PLA2G4D: variants seen among roughly 807,000 people sequenced by gnomAD.
The protein encoded by PLA2G4D is cytosolic phospholipase A2 delta.
Under a neutral mutation model 94.4 loss-of-function variants are expected in PLA2G4D, and 80 were observed. The observed-to-expected ratio is 0.85, with a 90% CI of 0.71 to 1.02. PLA2G4D has a LOEUF of 1.02. Among genes scored for constraint, PLA2G4D ranks in the 50% least tolerant of loss-of-function variants. The pLI is 0.00. For missense variants in PLA2G4D, 1,050 were observed against 1,034.7 expected, an observed-to-expected ratio of 1.01 and a Z score of -0.20; for synonymous variants, 438 against 440.9, an observed-to-expected ratio of 0.99 and a Z score of 0.08.
At chr15:42,089,315 C>T (rs180769888) in intron 1 of PLA2G4D, among the ~76,000 whole-genome samples, 4 of 152,088 alleles carry the variant, frequency 2.6e-5, no homozygotes, top group Admixed American at 2.0e-4. Flanking sequence ...TCAGCACCCA[C>T]GGGGACCTGA....
chr15:42,086,194 T>TGGGGGGGGGGGCCCCC lies in PLA2G4D; in HGVS notation c.387+18_387+19insGGGGGCCCCCCCCCCC. On this transcript the variant is annotated intron_variant, in intron 4 of 19. Transcript: ENST00000290472. The stretch of plus-strand genomic sequence containing the variant: ...GGAAGAAGTGGGGCCCACGGGGACT[T>TGGGGGGGGGGGCCCCC]CCCCACCCACCCACCCACCTGGGGA... The TGGGGGGGGGGGCCCCC allele has an allele frequency of 3.6e-6, 5 of 1,370,442 alleles. No homozygotes were observed. The highest frequency in any genetic ancestry group is 3.8e-6 in the Non-Finnish European group (4 of 1,043,082). 84.9% of individuals were successfully genotyped at this position (1,370,442 alleles called of 1,614,324 possible). A position where few individuals can be genotyped will look rare whatever the true frequency, so the allele number is the denominator to read the frequency against.
rs777078611 is a variant in PLA2G4D, at chr15:42,081,146, C to G, written c.958-13G>C. 1.9e-6 allele frequency: 3 copies of G among 1,610,966 alleles called. No homozygotes were observed. Among genetic ancestry groups the G allele is most frequent in the South Asian group, 1.1e-5 (1 of 90,728 alleles). On this transcript the variant is annotated splice_polypyrimidine_tract_variant and intron_variant, in intron 11 of 19. Coordinates refer to ENST00000290472, the MANE Select transcript of PLA2G4D (RefSeq NM_178034.4). ...CCACAACGGGTACCTGGACCACACACAGACAGGCTGGATTAACAAGGAAAG... is the reference window on the plus strand; with the variant it reads ...CCACAACGGGTACCTGGACCACACAGAGACAGGCTGGATTAACAAGGAAAG...
At chr15:42,073,357 C>T (rs1031382361) in intron 13 of PLA2G4D, among the ~76,000 whole-genome samples, 1 of 152,138 alleles carries the variant, frequency 6.6e-6, no homozygotes, top group South Asian at 2.1e-4. Flanking sequence ...CACAGAGCCT[C>T]CCTGAATTGT....
In PLA2G4D at chr15:42,082,321, C is replaced by T. The variant is rs1890053796; in HGVS notation, c.741G>A (p.Leu247=). 2 of 1,614,032 alleles carry T rather than the reference C, an allele frequency of 1.2e-6. No homozygotes were observed. Among genetic ancestry groups the T allele is most frequent in the African/African-American group, 1.3e-5 (1 of 74,924 alleles). The part of the protein sequence containing the change: ...AGYLTVPLRP[L]TIGKEVTMDV... ...CCATAGTCACCTCCTTCCCAATGGT[C>T]AAGGGCCTCAGGGGCACAGTGAGGT... is the stretch of plus-strand genomic sequence containing the variant. The change falls in exon 9 of 20, where the codon TTG becomes TTA. Residue 247 remains leucine, a synonymous_variant. Transcript: ENST00000290472.
rs192523190 is a variant in PLA2G4D at position 42,075,371 on chromosome 15, T to C, written c.1318-2979A>G. 1.2e-3 allele frequency among the ~76,000 whole-genome samples: 188 copies of C among 152,340 alleles called. 1 individual carries two copies. The Middle Eastern group carries it at 0.017, about 14-fold the overall frequency. ...TGTTAAAACAGCTTCTCCCATTCTGTAGTAACTAATTGCTGCCACTCAGCA... is the reference window on the plus strand; with the variant it reads ...TGTTAAAACAGCTTCTCCCATTCTGCAGTAACTAATTGCTGCCACTCAGCA... On this transcript the variant is annotated intron_variant, in intron 13 of 19. Coordinates refer to ENST00000290472, the MANE Select transcript of PLA2G4D (RefSeq NM_178034.4).
chr15:42,085,911 G>A (rs1258388990), intron 4 of PLA2G4D, among the ~76,000 whole-genome samples: 2 of 152,240 alleles, frequency 1.3e-5, no homozygotes, highest in Admixed American at 6.5e-5. Context: ...AGGAAGGGAC[G>A]TGAGGCCTTC....
At chr15:42,076,400 G>T (rs1330053097) in intron 13 of PLA2G4D, among the ~76,000 whole-genome samples, 1 of 151,972 alleles carries the variant, frequency 6.6e-6, no homozygotes, top group Non-Finnish European at 1.5e-5. Context: ...GAGTGAAAAG[G>T]AAGACTCCCC....
At chr15:42,085,067 C>A (rs756511843) in intron 6 of PLA2G4D, 29 bp downstream of exon 6, 2 of 1,613,888 alleles carry the variant, frequency 1.2e-6, no homozygotes, top group Non-Finnish European at 1.7e-6. Context: ...CTCTGGGGCC[C>A]CTCCCCTAAG....
chr15:42,085,101 T>G lies in PLA2G4D; in HGVS notation c.466A>C (p.Ile156Leu), dbSNP rs2141101183. 6.2e-7 allele frequency: 1 copy of G among 1,614,156 alleles called. No individual in the cohort carries two copies. The highest frequency in any genetic ancestry group is 8.5e-7 in the Non-Finnish European group (1 of 1,180,010). ...AGCCTGGGGAAGGTGCTTACCACAA[T>G]GACTTTGTTGGTGATGAGGTTTTCT... Reference protein sequence around the residue: ...RPENLITNKVIVARELSCLDV... With the variant: ...RPENLITNKVLVARELSCLDV... The change falls in exon 6 of 20, where the codon ATT (isoleucine) becomes CTT (leucine). Residue 156 changes from isoleucine (I) to leucine (L), a missense_variant. Coordinates refer to ENST00000290472, the MANE Select transcript of PLA2G4D (RefSeq NM_178034.4).
In PLA2G4D at chr15:42,080,986, A is replaced by G. The variant is rs746906140; in HGVS notation, c.1094+11T>C. The stretch of plus-strand genomic sequence containing the variant: ...GATTGTCTCTGCCACCCAGTCCCCC[A>G]GGATCCTCACCACGTAGAGCCAGAG... On this transcript the variant is annotated intron_variant, in intron 12 of 19. Transcript: ENST00000290472. The G allele has an allele frequency of 5.0e-6, 8 of 1,612,680 alleles. No homozygotes were observed. Among genetic ancestry groups the G allele is most frequent in the Admixed American group, 1.7e-5 (1 of 59,872 alleles).
At chr15:42,090,825 G>A (rs1890233346) in intron 1 of PLA2G4D, among the ~76,000 whole-genome samples, 1 of 152,200 alleles carries the variant, frequency 6.6e-6, no homozygotes, top group Non-Finnish European at 1.5e-5. Flanking sequence ...TTCATCACTA[G>A]ACATCCATTA....
At chr15:42,083,638 C>T in intron 7 of PLA2G4D, 78 bp downstream of exon 7, 1 of 1,543,672 alleles carries the variant, frequency 6.5e-7, no homozygotes, top group South Asian at 1.1e-5. Flanking sequence ...TGGCCTCCTG[C>T]CCTGCGCAGG....
chr15:42,071,148 G>A lies in PLA2G4D; in HGVS notation c.1851C>T (p.Ser617=), dbSNP rs746582219. 3 of 1,612,162 alleles carry A rather than the reference G, an allele frequency of 1.9e-6. No individual in the cohort carries two copies. The highest frequency in any genetic ancestry group is 2.2e-5 in the South Asian group (2 of 90,860). ...QGLQLHQDYC[S]HKDFSTWADY... ...CTGCCCAGGTGGAGAAGTCTTTGTGGCTACAGTAGTCCTGGTGCAGCTGGA... is the reference window on the plus strand; with the variant it reads ...CTGCCCAGGTGGAGAAGTCTTTGTGACTACAGTAGTCCTGGTGCAGCTGGA... The change falls in exon 17 of 20, where the codon AGC becomes AGT. Residue 617 remains serine, a synonymous_variant. Coordinates refer to ENST00000290472, the MANE Select transcript of PLA2G4D (RefSeq NM_178034.4).
chr15:42,089,802 G>A (rs1305028661), intron 1 of PLA2G4D, among the ~76,000 whole-genome samples: 2 of 152,162 alleles, frequency 1.3e-5, no homozygotes, highest in African/African-American at 4.8e-5. Context: ...CACAGCTTGT[G>A]GGCTGCTCTA....
Position 42,072,346 on chromosome 15 carries a change from C to A in PLA2G4D, c.1364G>T (p.Gly455Val), listed in dbSNP as rs757876193. 1.4e-5 allele frequency: 23 copies of A among 1,613,558 alleles called. No homozygotes were observed. Among genetic ancestry groups the A allele is most frequent in the Non-Finnish European group, 1.9e-5 (22 of 1,179,990 alleles). ...CAAGTAGAGGGGCAGAGGGTTCTGACCCCGTTCCAGGGCGGCTCTCTGTCC... is the reference window on the plus strand; with the variant it reads ...CAAGTAGAGGGGCAGAGGGTTCTGAACCCGTTCCAGGGCGGCTCTCTGTCC... ...LSGQRAALER[G>V]QNPLPLYLSL... Residue 455 changes from glycine to valine, a missense_variant, in exon 14 of 20, where the codon GGT becomes GTT. By Grantham distance (109) the Gly-to-Val change is moderately radical. Transcript: ENST00000290472.
intron 14 of PLA2G4D, 21 bp downstream of exon 14, chr15:42,072,254 G>A: frequency 1.3e-6 from 2 of 1,588,318 alleles, no homozygotes; most frequent in Non-Finnish European, 1.7e-6. Context: ...GTATGTGGGA[G>A]GGGAGTAGGT....
intron 15 of PLA2G4D, 104 bp from the exon 16 acceptor site, chr15:42,071,655 T>TA: frequency 3.1e-5 from 37 of 1,178,820 alleles, no homozygotes; most frequent in Non-Finnish European, 4.1e-5. Context: ...CTACAATGCA[T>TA]CCCCCCCGCC....
chr15:42,094,160 G>T (rs1223143741), intron 1 of PLA2G4D, among the ~76,000 whole-genome samples: 1 of 152,118 alleles, frequency 6.6e-6, no homozygotes, highest in Non-Finnish European at 1.5e-5. Context: ...TGGTGGGGGA[G>T]AGGTCCCTAA....
chr15:42,091,685 C>G (rs1262180874), intron 1 of PLA2G4D, among the ~76,000 whole-genome samples: 1 of 152,230 alleles, frequency 6.6e-6, no homozygotes, highest in African/African-American at 2.4e-5. Flanking sequence ...CTAACCATCT[C>G]CCTGTGATGC....
Sources: allele counts gnomAD v4.1 joint callset (sites outside exome capture counted in the v4.1 genomes callset), GRCh38; gene constraint gnomAD v4.1.1; transcripts MANE v1.5; gene names NCBI Gene and HGNC (gene_info 2026-07-23, HGNC 2026-07-21).